Variants in PPP1R13L observed in about 807,000 individuals in gnomAD.
PPP1R13L encodes the protein relA-associated inhibitor.
A neutral mutation model predicts 80.9 loss-of-function variants in PPP1R13L; 50 were observed. The ratio of observed to expected loss-of-function variants is 0.62; its 90% CI spans 0.49 to 0.78. The LOEUF (loss-of-function observed/expected upper bound fraction) is 0.78. Among genes scored for constraint, PPP1R13L ranks in the 30% least tolerant of loss-of-function variants. PPP1R13L has a pLI of 0.00. For synonymous variants in PPP1R13L, 602 were observed against 534.3 expected, an observed-to-expected ratio of 1.13 and a Z score of -1.75; for missense variants, 1,200 against 1,205.9, an observed-to-expected ratio of 1.00 and a Z score of 0.07.
chr19:45,396,701 CGCGGG>C lies in PPP1R13L; in HGVS notation c.551_555del (p.Pro184ArgfsTer69). ...TGGGGCCCCTCCGCCAGGGGGCTGC[CGCGGG>C]GGGAGCCTGCGCGGCCCAGGAAGTC... is the stretch of plus-strand genomic sequence containing the variant. On this transcript the variant is annotated frameshift_variant, in exon 4 of 13. Transcript: ENST00000360957. LOFTEE classifies it high-confidence loss of function. The surrounding 1 kb of genome is among the most constrained non-coding windows in gnomAD (Gnocchi z 5.3). 7.1e-7 allele frequency: 1 copy of C among 1,407,852 alleles called. No individual in the cohort carries two copies. The highest frequency in any genetic ancestry group is 9.2e-7 in the Non-Finnish European group (1 of 1,090,588). The allele number at this position is 1,407,852 out of a possible 1,614,324, so 87.2% of individuals were successfully genotyped here.
intron 3 of PPP1R13L, among the ~76,000 whole-genome samples, chr19:45,397,480 T>TTCTTTC (rs1555782662): frequency 2.6e-5 from 3 of 114,574 alleles, no homozygotes; most frequent in Non-Finnish European, 4.8e-5. Context: ...CTCTCTTTCT[T>TTCTTTC]TCTTTCTTTC....
chr19:45,399,385 G>A (rs1454074039), intron 1 of PPP1R13L, among the ~76,000 whole-genome samples: 2 of 150,542 alleles, frequency 1.3e-5, no homozygotes, highest in African/African-American at 2.4e-5. Context: ...AGCACTTTGG[G>A]AGGCCAAGGA....
Position 45,396,026 on chromosome 19 carries a change from C to A in PPP1R13L, c.904-140G>T. 1 of 1,281,924 alleles carries A rather than the reference C, an allele frequency of 7.8e-7. No individual in the cohort carries two copies. Among genetic ancestry groups the A allele is most frequent in the East Asian group, 2.5e-5 (1 of 39,504 alleles). The allele number at this position is 1,281,924 out of a possible 1,614,324, so 79.4% of individuals were successfully genotyped here. A position where few individuals can be genotyped will look rare whatever the true frequency, so the allele number is the denominator to read the frequency against. On this transcript the variant is annotated intron_variant, in intron 6 of 12. Transcript: ENST00000360957. The surrounding 1 kb of genome is among the most constrained non-coding windows in gnomAD (Gnocchi z 5.3). ...AGAAAGGGTGAGGAAGGAGCAGAAA[C>A]CCAGCACAGTGAAGGGAGAGCGTGG... is the stretch of plus-strand genomic sequence containing the variant.
rs1055749051 is a variant in PPP1R13L, at chr19:45,399,459, C to T, written c.-21-1120G>A. Among the ~76,000 whole-genome samples the T allele has an allele frequency of 2.4e-4, 36 of 149,928 alleles. No homozygotes were observed. In the East Asian group the frequency reaches 2.6e-3, roughly 11 times the overall value. On this transcript the variant is annotated intron_variant, in intron 1 of 12. Transcript: ENST00000360957. The stretch of plus-strand genomic sequence containing the variant: ...CTAACATGGTGAAACCCCGTCTCTA[C>T]TAAAAATACCAAAAATTAGCCAGGC...
chr19:45,393,789 C>T (rs560171329), intron 7 of PPP1R13L, among the ~76,000 whole-genome samples: 1 of 151,994 alleles, frequency 6.6e-6, no homozygotes, highest in South Asian at 2.1e-4. Context: ...AGGAGAATGG[C>T]GTGAACCCGG....
intron 1 of PPP1R13L, 108 bp from the exon 2 acceptor site, chr19:45,398,447 T>C: frequency 1.8e-6 from 2 of 1,099,828 alleles, no homozygotes; most frequent in Admixed American, 2.4e-5. Flanking sequence ...CTCAGTTCCT[T>C]CCCCTGGAAG....
At chr19:45,406,159 C>G, upstream of PPP1R13L, 3 of 407,620 alleles carry the variant, frequency 7.4e-6, no homozygotes, top group Non-Finnish European at 6.6e-6. The surrounding 1 kb of genome is among the most constrained non-coding windows in gnomAD (Gnocchi z 4.2). Context: ...GAACTTCACG[C>G]CCTCCGGACG....
chr19:45,394,358 G>C (rs903452563), intron 7 of PPP1R13L, among the ~76,000 whole-genome samples: 4 of 152,084 alleles, frequency 2.6e-5, no homozygotes, highest in African/African-American at 9.7e-5. Flanking sequence ...GCCCAGGCTG[G>C]TCTTGAACTC....
At chr19:45,380,317 C>T (rs944947424) in intron 12 of PPP1R13L, 89 bp from the exon 13 acceptor site, 2 of 1,508,130 alleles carry the variant, frequency 1.3e-6, no homozygotes, top group Non-Finnish European at 1.8e-6. Flanking sequence ...CCTCCCACCC[C>T]TTCCTAAGGG....
In PPP1R13L at chr19:45,396,941, G is replaced by T; in HGVS notation, c.316C>A (p.Leu106Ile). Residue 106 changes from leucine to isoleucine, a missense_variant, in exon 4 of 13, where the codon CTA becomes ATA. Physicochemically the swap from Leu to Ile is conservative, Grantham distance 5. Around this residue, in one of 5 missense-constraint regions of PPP1R13L, gnomAD observed 764 missense variants for 714.5 expected, o/e 1.07. Transcript: ENST00000360957. This position sits in a 1 kb window ranked among gnomAD's most constrained non-coding sequence, Gnocchi z 5.3. ...GGGGACAGCGGGCTGTAGGGGTGTA[G>T]GGTTGGGGCACTCTCTGATCGTCCG... The part of the protein sequence containing the change: ...PFGRSESAPT[L>I]HPYSPLSPKG... The T allele has an allele frequency of 1.4e-6, 2 of 1,446,176 alleles. No individual in the cohort carries two copies. Among genetic ancestry groups the T allele is most frequent in the Non-Finnish European group, 9.1e-7 (1 of 1,102,750 alleles). 89.6% of individuals were successfully genotyped at this position (1,446,176 alleles called of 1,614,324 possible). A position where few individuals can be genotyped will look rare whatever the true frequency, so the allele number is the denominator to read the frequency against.
At chr19:45,398,737 T>C (rs1345030572) in intron 1 of PPP1R13L, among the ~76,000 whole-genome samples, 1 of 149,654 alleles carries the variant, frequency 6.7e-6, no homozygotes, top group Non-Finnish European at 1.5e-5. Flanking sequence ...GCGCGCGCCA[T>C]TATGCCCGGC....
In PPP1R13L at chr19:45,386,187, G is replaced by A. The variant is rs1156993639; in HGVS notation, c.1816-7C>T. 9 of 1,513,058 alleles carry A rather than the reference G, an allele frequency of 5.9e-6. No homozygotes were observed. The highest frequency in any genetic ancestry group is 2.3e-5 in the East Asian group (1 of 43,398). The allele number at this position is 1,513,058 out of a possible 1,614,324, so 93.7% of individuals were successfully genotyped here. A position where few individuals can be genotyped will look rare whatever the true frequency, so the allele number is the denominator to read the frequency against. On this transcript the variant is annotated splice_region_variant and splice_polypyrimidine_tract_variant and intron_variant, in intron 8 of 12. Coordinates refer to ENST00000360957, the MANE Select transcript of PPP1R13L (RefSeq NM_006663.4). ...GCAGCACAGAGCGCATCTCCTGGGG[G>A]ACAGGGCGCAGAGGTCAGCGACTTG... is the stretch of plus-strand genomic sequence containing the variant.
At position 45,390,524 on chromosome 19, in the gene PPP1R13L, C is replaced by T. The variant is rs542685515; in HGVS notation, c.1815+1356G>A. 7.9e-5 allele frequency among the ~76,000 whole-genome samples: 12 copies of T among 152,266 alleles called. No individual in the cohort carries two copies. The East Asian group carries it at 2.1e-3, about 27-fold the overall frequency. On this transcript the variant is annotated intron_variant, in intron 8 of 12. Transcript: ENST00000360957. ...AGCTGATGTCTGTAGCCCCCAGTCA[C>T]GTTCCTCACGCTTACTTGATCTATC...
Position 45,386,172 on chromosome 19 carries a change from G to A in PPP1R13L, c.1824C>T (p.Arg608=). The A allele has an allele frequency of 6.6e-7, 1 of 1,525,552 alleles. No individual in the cohort carries two copies. The highest frequency in any genetic ancestry group is 8.7e-7 in the Non-Finnish European group (1 of 1,150,740). 94.5% of individuals were successfully genotyped at this position (1,525,552 alleles called of 1,614,324 possible). A position where few individuals can be genotyped will look rare whatever the true frequency, so the allele number is the denominator to read the frequency against. The change falls in exon 9 of 13, where the codon CGC becomes CGT. Residue 608 remains arginine (R), a synonymous_variant. Transcript: ENST00000360957. ...GGGAGCCCGCCTTCCGCAGCACAGA[G>A]CGCATCTCCTGGGGGACAGGGCGCA... is the stretch of plus-strand genomic sequence containing the variant. ...PPEQPQSMEM[R]SVLRKAGSPR...
intron 7 of PPP1R13L, chr19:45,394,666 T>C: frequency 7.0e-6 from 1 of 141,938 alleles, no homozygotes; most frequent in East Asian, 2.0e-4. Context: ...AGAGATGGGA[T>C]TTCATCATGT....
chr19:45,380,377 C>A lies in PPP1R13L; in HGVS notation c.2449-149G>T, dbSNP rs1348311447. On this transcript the variant is annotated intron_variant, in intron 12 of 12. Coordinates refer to ENST00000360957, the MANE Select transcript of PPP1R13L (RefSeq NM_006663.4). ...CTCCAGAATCCAAGTTCTGTGTCAC[C>A]TCCAAGAACCAGATGGAACCTTCCA... 14 of 801,436 alleles carry A rather than the reference C, an allele frequency of 1.7e-5. No homozygotes were observed. The Admixed American group carries it at 3.2e-4, about 18-fold the overall frequency. The allele number at this position is 801,436 out of a possible 1,614,324, so 49.6% of individuals were successfully genotyped here.
Position 45,396,856 on chromosome 19 carries a change from C to A in PPP1R13L, c.401G>T (p.Ser134Ile). The change falls in exon 4 of 13, where the codon AGC (serine) becomes ATC (isoleucine). Residue 134 changes from serine to isoleucine, a missense_variant. Physicochemically the swap from Ser to Ile is moderately radical, Grantham distance 142 (BLOSUM62 -2). This residue lies in a region of PPP1R13L where 764 missense variants were observed against 714.5 expected (regional missense o/e 1.07). Coordinates refer to ENST00000360957, the MANE Select transcript of PPP1R13L (RefSeq NM_006663.4). This position sits in a 1 kb window ranked among gnomAD's most constrained non-coding sequence, Gnocchi z 5.3. The stretch of plus-strand genomic sequence containing the variant: ...CCGGGGCGAGGTCGCGCGGTCCAGG[C>A]TGCCGTAGGCGTCCGGCTGCAGGTA... ...PLYLQPDAYG[S>I]LDRATSPRPR... 6.5e-7 allele frequency: 1 copy of A among 1,526,912 alleles called. No individual in the cohort carries two copies. Among genetic ancestry groups the A allele is most frequent in the Middle Eastern group, 1.7e-4 (1 of 5,860 alleles). 94.6% of individuals were successfully genotyped at this position (1,526,912 alleles called of 1,614,324 possible).
intron 7 of PPP1R13L, among the ~76,000 whole-genome samples, chr19:45,393,674 A>G (rs1051458127): frequency 6.6e-6 from 1 of 152,100 alleles, no homozygotes; most frequent in Admixed American, 6.6e-5. Context: ...GGAGATCGAG[A>G]CCATCCTGGC....
Position 45,382,224 on chromosome 19 carries a change from A to C in PPP1R13L, c.2448+303T>G, listed in dbSNP as rs986779585. The stretch of plus-strand genomic sequence containing the variant: ...ACTCCAGCCTGGGCGACAGAGCGAG[A>C]CTCCGTTTCAGAAATAAATAAATAA... On this transcript the variant is annotated intron_variant, in intron 12 of 12. Transcript: ENST00000360957. 5.3e-5 allele frequency among the ~76,000 whole-genome samples: 8 copies of C among 151,854 alleles called. No individual in the cohort carries two copies. In the South Asian group the frequency reaches 1.0e-3, roughly 20 times the overall value.
Sources: allele counts gnomAD v4.1 joint callset (sites outside exome capture counted in the v4.1 genomes callset), GRCh38; gene constraint gnomAD v4.1.1; regional missense constraint gnomAD v4.1.1; non-coding constraint Gnocchi (gnomAD v3.1); transcripts MANE v1.5; gene names NCBI Gene and HGNC (gene_info 2026-07-23, HGNC 2026-07-21).